Variants in RUNX2 observed in about 807,000 individuals in gnomAD.
RUNX2 encodes runt-related transcription factor 2.
RUNX2 carries 10 observed loss-of-function variants against 51.7 expected under a neutral mutation model. The observed-to-expected ratio is 0.19, with a 90% CI of 0.12 to 0.33. The LOEUF is 0.33. RUNX2 is among the 10% of genes least tolerant of loss of function. The pLI is 1.00. For synonymous variants in RUNX2, 276 were observed against 273.6 expected, an observed-to-expected ratio of 1.01 and a Z score of -0.09; for missense variants, 562 against 691.3, an observed-to-expected ratio of 0.81 and a Z score of 2.10.
intron 5 of RUNX2, among the ~76,000 whole-genome samples, chr6:45,449,477 T>C (rs1799096259): frequency 6.6e-6 from 1 of 152,228 alleles, no homozygotes; most frequent in South Asian, 2.1e-4. Flanking sequence ...TCATTTGTCC[T>C]ATGTTACTCT....
chr6:45,545,421 C>A, intron 8 of RUNX2, 139 bp downstream of exon 8: 1 of 919,510 alleles, frequency 1.1e-6, no homozygotes, highest in Non-Finnish European at 1.6e-6. Flanking sequence ...CACATCATGG[C>A]ACTTAACCCT....
chr6:45,505,522 C>A (rs1800939557), intron 6 of RUNX2, among the ~76,000 whole-genome samples: 1 of 152,086 alleles, frequency 6.6e-6, no homozygotes, highest in South Asian at 2.1e-4. Flanking sequence ...AAGTGCATAG[C>A]CACCCCCTTT....
chr6:45,347,261 A>AACTACATT (rs1236176797), intron 2 of RUNX2, among the ~76,000 whole-genome samples: 3 of 152,192 alleles, frequency 2.0e-5, no homozygotes, highest in Admixed American at 6.5e-5. Flanking sequence ...ACAGTGAATA[A>AACTACATT]TTAAATTTCT....
chr6:45,330,307 A>G (rs372051940), intron 2 of RUNX2, among the ~76,000 whole-genome samples: 4 of 151,974 alleles, frequency 2.6e-5, no homozygotes, highest in African/African-American at 9.7e-5. Flanking sequence ...TACAACACAT[A>G]GCATAATTAC....
intron 6 of RUNX2, among the ~76,000 whole-genome samples, chr6:45,492,457 T>G (rs1357058240): frequency 2.6e-5 from 4 of 152,194 alleles, no homozygotes; most frequent in Non-Finnish European, 5.9e-5. Flanking sequence ...CCCTTACTAT[T>G]AGAAAATTAG....
chr6:45,399,266 C>G (rs1176209317), intron 2 of RUNX2, among the ~76,000 whole-genome samples: 1 of 151,674 alleles, frequency 6.6e-6, no homozygotes, highest in Non-Finnish European at 1.5e-5. Flanking sequence ...GCCCATCTCC[C>G]AAAGTGGCTT....
intron 7 of RUNX2, among the ~76,000 whole-genome samples, chr6:45,542,010 T>C (rs939873542): frequency 1.3e-5 from 2 of 151,802 alleles, no homozygotes; most frequent in African/African-American, 4.8e-5. Context: ...GGCAAAGAAG[T>C]ATCAGACACT....
chr6:45,545,870 A>T (rs1005177893), intron 8 of RUNX2, among the ~76,000 whole-genome samples: 1 of 152,208 alleles, frequency 6.6e-6, no homozygotes, highest in Non-Finnish European at 1.5e-5. Flanking sequence ...GGCACCAGAA[A>T]CATCTATTAA....
intron 7 of RUNX2, 124 bp from the exon 8 acceptor site, chr6:45,545,093 G>A (rs1337845577): frequency 1.5e-5 from 12 of 792,788 alleles, no homozygotes; most frequent in Non-Finnish European, 2.5e-5. Context: ...ATACTAATGA[G>A]GGATGGGAAC....
At chr6:45,380,559 T>G (rs944055315) in intron 2 of RUNX2, among the ~76,000 whole-genome samples, 3 of 152,148 alleles carry the variant, frequency 2.0e-5, no homozygotes, top group Non-Finnish European at 2.9e-5. Context: ...ATCTCTCTGA[T>G]TCCATGGAAG....
chr6:45,532,383 C>T (rs937095110), intron 7 of RUNX2, among the ~76,000 whole-genome samples: 3 of 151,872 alleles, frequency 2.0e-5, no homozygotes, highest in Non-Finnish European at 2.9e-5. Flanking sequence ...TTCATCCCCG[C>T]CCCTCTTTTT....
At chr6:45,435,544 G>T (rs565990836) in intron 4 of RUNX2, among the ~76,000 whole-genome samples, 2 of 152,146 alleles carry the variant, frequency 1.3e-5, no homozygotes, top group African/African-American at 4.8e-5. Flanking sequence ...TTTTAGTAGA[G>T]ACAGGGTTTC....
rs71745024 is a variant in RUNX2 at position 45,346,567 on chromosome 6, CT to C, written c.58+17798del. 3.5e-3 allele frequency among the ~76,000 whole-genome samples: 497 copies of C among 140,400 alleles called. 11 individuals carry two copies. In the East Asian group the frequency reaches 0.068, roughly 19 times the overall value. 92.1% of individuals were successfully genotyped at this position (140,400 alleles called of 152,430 possible). On this transcript the variant is annotated intron_variant, in intron 2 of 8. Coordinates refer to ENST00000647337, the MANE Select transcript of RUNX2 (RefSeq NM_001024630.4). ...TATAATAGGAATTCAATAAACATTT[CT>C]TTTTTTTTTTTTTTCTTGAGATAGG... is the stretch of plus-strand genomic sequence containing the variant.
intron 6 of RUNX2, among the ~76,000 whole-genome samples, chr6:45,509,387 A>T (rs1389824696): frequency 6.6e-6 from 1 of 152,180 alleles, no homozygotes; most frequent in Admixed American, 6.5e-5. Context: ...ACCATATTAG[A>T]CATGGCCTAG....
chr6:45,340,374 A>G (rs1291481790), intron 2 of RUNX2, among the ~76,000 whole-genome samples: 1 of 152,152 alleles, frequency 6.6e-6, no homozygotes, highest in Non-Finnish European at 1.5e-5. Context: ...CCCAGGCTAG[A>G]GTGCACTGGC....
At chr6:45,483,222 T>C (rs1236427453) in intron 5 of RUNX2, among the ~76,000 whole-genome samples, 3 of 152,232 alleles carry the variant, frequency 2.0e-5, no homozygotes, top group Admixed American at 6.5e-5. Flanking sequence ...TTCATTATTC[T>C]AGTCCAGAAA....
At chr6:45,371,748 GA>G in intron 2 of RUNX2, 16 of 751,824 alleles carry the variant, frequency 2.1e-5, no homozygotes, top group Non-Finnish European at 2.6e-5. Context: ...TTGTTTAAAA[GA>G]AAATCTTAGG....
chr6:45,519,580 A>G (rs1055613976), intron 7 of RUNX2, among the ~76,000 whole-genome samples: 4 of 151,738 alleles, frequency 2.6e-5, no homozygotes, highest in Admixed American at 2.0e-4. Flanking sequence ...GCAACCACAG[A>G]TTCTTTTTTT....
intron 5 of RUNX2, among the ~76,000 whole-genome samples, chr6:45,490,917 A>G (rs1223072404): frequency 2.0e-5 from 3 of 152,170 alleles, no homozygotes; most frequent in Non-Finnish European, 2.9e-5. Flanking sequence ...TTTCTCTATT[A>G]GCATTGCATT....
Sources: allele counts gnomAD v4.1 joint callset (sites outside exome capture counted in the v4.1 genomes callset), GRCh38; gene constraint gnomAD v4.1.1; transcripts MANE v1.5; gene names NCBI Gene and HGNC (gene_info 2026-07-23, HGNC 2026-07-21).